The following TMEM223 variants were observed in gnomAD, a reference collection of about 807,000 sequenced individuals.
TMEM223 encodes the protein transmembrane protein 223.
A neutral mutation model predicts 14.1 loss-of-function variants in TMEM223; 14 were observed. The observed-to-expected ratio is 0.99, with a 90% CI of 0.66 to 1.55. The LOEUF is 1.55. TMEM223 is among the 40% of genes most tolerant of loss of function. The pLI, the probability that TMEM223 is intolerant of heterozygous loss-of-function variation, is 0.00. For synonymous variants in TMEM223, 145 were observed against 120.5 expected, an observed-to-expected ratio of 1.20 and a Z score of -1.33; for missense variants, 346 against 269.9, an observed-to-expected ratio of 1.28 and a Z score of -1.97.
At position 62,790,559 on chromosome 11, in the gene TMEM223, C is replaced by T. The variant is rs1428777411; in HGVS notation, c.*64G>A. On this transcript the variant is annotated 3_prime_UTR_variant, in exon 2 of 2. Coordinates refer to ENST00000307366, the MANE Select transcript of TMEM223 (RefSeq NM_001080501.3). ...TTACAACAGGTGTGAACCAACACACCTGGCTCCCCAAGGTTCAGTTTTTAT... is the reference window on the plus strand; with the variant it reads ...TTACAACAGGTGTGAACCAACACACTTGGCTCCCCAAGGTTCAGTTTTTAT... 6 of 1,468,424 alleles carry T rather than the reference C, an allele frequency of 4.1e-6. No homozygotes were observed. Among genetic ancestry groups the T allele is most frequent in the Non-Finnish European group, 5.5e-6 (6 of 1,084,928 alleles). The allele number at this position is 1,468,424 out of a possible 1,614,324, so 91.0% of individuals were successfully genotyped here. A position where few individuals can be genotyped will look rare whatever the true frequency, so the allele number is the denominator to read the frequency against.
At chr11:62,782,848 C>T (rs766756179), downstream of TMEM223, 3 of 1,612,948 alleles carry the variant, frequency 1.9e-6, no homozygotes, top group East Asian at 2.2e-5. Flanking sequence ...GCCTTTCTCA[C>T]ACAGCCGTAA....
chr11:62,773,909 G>C (rs957658659), intron 2 of TMEM223, among the ~76,000 whole-genome samples: 2 of 152,144 alleles, frequency 1.3e-5, no homozygotes, highest in African/African-American at 4.8e-5. Flanking sequence ...AGAGTTCCAA[G>C]TGGAGGAAGC....
chr11:62,783,278 C>T (rs1478959090), downstream of TMEM223, among the ~76,000 whole-genome samples: 8 of 152,084 alleles, frequency 5.3e-5, no homozygotes, highest in Non-Finnish European at 1.0e-4. Context: ...GTCAGGAGAT[C>T]GAAACCATCC....
At chr11:62,773,751 A>G (rs557828991) in intron 2 of TMEM223, among the ~76,000 whole-genome samples, 21 of 152,260 alleles carry the variant, frequency 1.4e-4, no homozygotes, top group African/African-American at 4.6e-4. Context: ...TCCAGCTACA[A>G]ATTCTTACGA....
rs150031178 is a variant in TMEM223, at chr11:62,778,940, G to T, written c.315-4275C>A. 1.9e-5 allele frequency: 31 copies of T among 1,614,028 alleles called. No individual in the cohort carries two copies. In the African/African-American group the frequency reaches 4.0e-4, roughly 21 times the overall value. On this transcript the variant is annotated intron_variant, in intron 1 of 2. Coordinates refer to the TMEM223 transcript ENST00000528367. The stretch of plus-strand genomic sequence containing the variant: ...TCACCAGGTGACTCGTGCTGTGCTA[G>T]GGGATGATCCGCAACTGATGAAGGT...
chr11:62,775,077 AAAAG>A (rs2084176349), intron 1 of TMEM223, among the ~76,000 whole-genome samples: 1 of 151,550 alleles, frequency 6.6e-6, no homozygotes, highest in Non-Finnish European at 1.5e-5. Context: ...AAAAAAAAAA[AAAAG>A]AAAAGACTGG....
chr11:62,786,567 C>T (rs980381034), downstream of TMEM223: 2 of 1,568,058 alleles, frequency 1.3e-6, no homozygotes, highest in Non-Finnish European at 1.7e-6. Flanking sequence ...CAGAGCCCAA[C>T]AGGGGTGGCC....
chr11:62,781,905 G>C (rs2084232654), intron 1 of TMEM223: 1 of 1,614,036 alleles, frequency 6.2e-7, no homozygotes, highest in African/African-American at 1.3e-5. Context: ...TTGCACTCCA[G>C]GACTTGCAGA....
chr11:62,786,000 G>C (rs1028019638), downstream of TMEM223: 29 of 349,082 alleles, frequency 8.3e-5, no homozygotes, highest in Non-Finnish European at 1.2e-4. Context: ...TCAGTAATGA[G>C]CATTATTTAG....
chr11:62,782,008 G>A, intron 1 of TMEM223: 1 of 1,610,558 alleles, frequency 6.2e-7, no homozygotes, highest in Non-Finnish European at 8.5e-7. Flanking sequence ...GTTTTATAAG[G>A]AAGAGATGAC....
chr11:62,787,408 G>A (rs1215912443), downstream of TMEM223: 64 of 1,555,900 alleles, frequency 4.1e-5, no homozygotes, highest in Non-Finnish European at 5.3e-5. Context: ...TGCTGCAGCG[G>A]CGCTTCCTGG....
At chr11:62,787,282 T>C (rs748139350), downstream of TMEM223, 2 of 1,547,142 alleles carry the variant, frequency 1.3e-6, no homozygotes, top group Non-Finnish European at 1.7e-6. Flanking sequence ...CTACTCGCTG[T>C]ACTTGCCGCT....
At chr11:62,778,506 TG>T in intron 1 of TMEM223, 1 of 752,636 alleles carries the variant, frequency 1.3e-6, no homozygotes, top group Non-Finnish European at 2.2e-6. Context: ...GAGTTGGAGA[TG>T]GGGGCCCAGA....
intron 1 of TMEM223, among the ~76,000 whole-genome samples, chr11:62,775,375 C>T (rs956644270): frequency 2.0e-5 from 3 of 152,120 alleles, no homozygotes; most frequent in Non-Finnish European, 4.4e-5. Context: ...GAGATTTGTG[C>T]GGGGACACAG....
chr11:62,779,001 A>G (rs571178394), intron 1 of TMEM223: 2 of 1,419,232 alleles, frequency 1.4e-6, no homozygotes, highest in East Asian at 2.3e-5. Flanking sequence ...CAAAGTTGAA[A>G]TTGTAAATTC....
downstream of TMEM223, chr11:62,787,831 A>ACT: frequency 1.5e-6 from 1 of 656,240 alleles, no homozygotes; most frequent in Non-Finnish European, 2.8e-6. Context: ...CCGAAACAGA[A>ACT]GTCAGTGCAG....
chr11:62,789,463 C>G (rs1364057889), downstream of TMEM223: 34 of 1,613,086 alleles, frequency 2.1e-5, no homozygotes, highest in Non-Finnish European at 2.7e-5. Flanking sequence ...CTGGGGCTGA[C>G]TACCTTCCCT....
intron 1 of TMEM223, chr11:62,782,051 C>A: frequency 6.3e-7 from 1 of 1,591,334 alleles, no homozygotes; most frequent in Admixed American, 1.7e-5. Context: ...CAAGTGCTGT[C>A]AGAATGGTGG....
At chr11:62,791,324 C>T (rs1261257857) in intron 1 of TMEM223, among the ~76,000 whole-genome samples, 1 of 152,112 alleles carries the variant, frequency 6.6e-6, no homozygotes, top group East Asian at 1.9e-4. Context: ...GTGGCGTCAT[C>T]TCGGCTCACT....
Sources: allele counts gnomAD v4.1 joint callset (sites outside exome capture counted in the v4.1 genomes callset), GRCh38; gene constraint gnomAD v4.1.1; transcripts MANE v1.5; gene names NCBI Gene and HGNC (gene_info 2026-07-23, HGNC 2026-07-21).